MET: variants seen among roughly 807,000 people sequenced by gnomAD.
MET encodes hepatocyte growth factor receptor.
MET carries 48 observed loss-of-function variants against 133.1 expected under a neutral mutation model. The ratio of observed to expected loss-of-function variants is 0.36; its 90% CI spans 0.29 to 0.46. The LOEUF (loss-of-function observed/expected upper bound fraction) is 0.46. Among genes scored for constraint, MET ranks in the 20% least tolerant of loss-of-function variants. The probability of loss-of-function intolerance (pLI) is 1.00; values close to 1 mark genes in which losing one functional copy is unlikely to be tolerated. For missense variants in MET, 1,442 were observed against 1,695.9 expected (o/e 0.85, Z 2.63); for synonymous variants, 628 against 616.5 (o/e 1.02, Z -0.28).
At chr7:116,780,255 CTCAAGCTCCGTCTCGGT>C (rs1228968710) in intron 17 of MET, among the ~76,000 whole-genome samples, 41 of 152,096 alleles carry the variant, frequency 2.7e-4, no homozygotes, top group African/African-American at 9.9e-4. Context: ...CATAGAAGGC[CTCAAGCTCCGTCTCGGT>C]TCCTGCTCTC....
intron 1 of MET, among the ~76,000 whole-genome samples, chr7:116,690,799 G>C (rs1431833042): frequency 6.6e-6 from 1 of 152,200 alleles, no homozygotes; most frequent in Non-Finnish European, 1.5e-5. Context: ...TTTGAGGGAA[G>C]AAACTCTTAG....
Position 116,783,410 on chromosome 7 carries a change from G to A in MET, c.3739G>A (p.Val1247Met), listed in dbSNP as rs1562935903. 1 of 1,614,180 alleles carries A rather than the reference G, an allele frequency of 6.2e-7. No individual in the cohort carries two copies. Among genetic ancestry groups the A allele is most frequent in the Non-Finnish European group, 8.5e-7 (1 of 1,180,022 alleles). ...CAACAAAACAGGTGCAAAGCTGCCA[G>A]TGAAGTGGATGGCTTTGGAAAGTCT... ...VHNKTGAKLP[V>M]KWMALESLQT... Residue 1247 changes from valine to methionine, a missense_variant, in exon 19 of 21, where the codon GTG (valine) becomes ATG (methionine). This residue lies in a region of MET where 32 missense variants were observed against 72.4 expected (regional missense o/e 0.44). Transcript: ENST00000397752.
intron 19 of MET, among the ~76,000 whole-genome samples, chr7:116,793,497 T>A (rs939204138): frequency 6.6e-5 from 10 of 151,712 alleles, no homozygotes; most frequent in African/African-American, 2.4e-4. Context: ...CTTTCAACAT[T>A]TAAAAACCTC....
At chr7:116,748,800 A>T (rs1324233317) in intron 5 of MET, among the ~76,000 whole-genome samples, 1 of 152,208 alleles carries the variant, frequency 6.6e-6, no homozygotes, top group Non-Finnish European at 1.5e-5. Flanking sequence ...CAGAAATACA[A>T]ACTACCATCA....
rs572293126 is a variant in MET, at chr7:116,710,373, C to T, written c.1200+10089C>T. ...TATTGACATGTACAAAGAGGACCCG[C>T]TTTATATGTGCCTGCTTTGAAAAGT... On this transcript the variant is annotated intron_variant, in intron 2 of 20. Coordinates refer to ENST00000397752, the MANE Select transcript of MET (RefSeq NM_000245.4). 3.3e-5 allele frequency among the ~76,000 whole-genome samples: 5 copies of T among 152,270 alleles called. No homozygotes were observed. The South Asian group carries it at 6.2e-4, about 19-fold the overall frequency.
intron 1 of MET, among the ~76,000 whole-genome samples, chr7:116,691,399 G>A (rs371723640): frequency 3.9e-5 from 6 of 152,204 alleles, no homozygotes; most frequent in South Asian, 2.1e-4. Flanking sequence ...AATATTTTAC[G>A]TAAAGTTGGT....
At chr7:116,773,369 T>C (rs1562930925) in intron 14 of MET, among the ~76,000 whole-genome samples, 1 of 152,208 alleles carries the variant, frequency 6.6e-6, no homozygotes, top group Non-Finnish European at 1.5e-5. Context: ...GGTGGCACAC[T>C]GATGGTTTCA....
chr7:116,776,282 T>C (rs1196674795), intron 15 of MET, among the ~76,000 whole-genome samples: 1 of 152,174 alleles, frequency 6.6e-6, no homozygotes, highest in Non-Finnish European at 1.5e-5. Context: ...GCGTAATCCT[T>C]TGTGTGCTCC....
At chr7:116,748,754 T>G (rs963119814) in intron 5 of MET, among the ~76,000 whole-genome samples, 7 of 152,030 alleles carry the variant, frequency 4.6e-5, no homozygotes, top group African/African-American at 1.7e-4. Context: ...ATAGACACAG[T>G]ACAAAATGAT....
chr7:116,684,303 C>A (rs1796466568), intron 1 of MET, among the ~76,000 whole-genome samples: 1 of 152,090 alleles, frequency 6.6e-6, no homozygotes. Context: ...AAACTTTGTT[C>A]AGGAACATTC....
At chr7:116,770,578 T>C (rs1372559700) in intron 12 of MET, among the ~76,000 whole-genome samples, 2 of 152,170 alleles carry the variant, frequency 1.3e-5, no homozygotes, top group East Asian at 1.9e-4. Flanking sequence ...CAGCTCCACA[T>C]ACCCTTCTCT....
In MET at chr7:116,797,652, T is replaced by C. The variant is rs1199615955; in HGVS notation, c.*1528T>C. The C allele has an allele frequency of 1.8e-5, 4 of 225,562 alleles. No homozygotes were observed. In the East Asian group the frequency reaches 1.9e-4, roughly 11 times the overall value. The allele number at this position is 225,562 out of a possible 1,614,324, so 14.0% of individuals were successfully genotyped here. A position where few individuals can be genotyped will look rare whatever the true frequency, so the allele number is the denominator to read the frequency against. Reference sequence around the variant, plus strand: ...TTATAAAAATGTTTATTTTTAATGATATGAGAAAAATTTTGTTAGGCCACA... The same window carrying C: ...TTATAAAAATGTTTATTTTTAATGACATGAGAAAAATTTTGTTAGGCCACA... On this transcript the variant is annotated 3_prime_UTR_variant, in exon 21 of 21. Coordinates refer to ENST00000397752, the MANE Select transcript of MET (RefSeq NM_000245.4).
At chr7:116,767,503 A>G (rs934361821) in intron 11 of MET, among the ~76,000 whole-genome samples, 1 of 152,166 alleles carries the variant, frequency 6.6e-6, no homozygotes, top group African/African-American at 2.4e-5. Context: ...TTCATGATCT[A>G]GCCCCTTTCT....
At chr7:116,676,858 C>T (rs1445515686) in intron 1 of MET, among the ~76,000 whole-genome samples, 1 of 152,126 alleles carries the variant, frequency 6.6e-6, no homozygotes, top group African/African-American at 2.4e-5. Context: ...AATAGTGCCC[C>T]TGTTTTTGTA....
chr7:116,715,562 TCCA>T (rs386717097), intron 2 of MET, among the ~76,000 whole-genome samples: 3,701 of 152,310 alleles, frequency 0.024, 108 homozygotes, highest in African/African-American at 0.061. Context: ...GATCTGACTT[TCCA>T]GGTGGACATG....
chr7:116,732,282 G>A (rs1793043724), intron 3 of MET, among the ~76,000 whole-genome samples: 1 of 152,136 alleles, frequency 6.6e-6, no homozygotes, highest in Non-Finnish European at 1.5e-5. Flanking sequence ...AATATTGGCA[G>A]GAGTTAGGAA....
At position 116,796,879 on chromosome 7, in the gene MET, A is replaced by G. The variant is rs1795696498; in HGVS notation, c.*755A>G. The G allele has an allele frequency of 5.7e-6, 1 of 176,824 alleles. No homozygotes were observed. The highest frequency in any genetic ancestry group is 2.4e-5 in the African/African-American group (1 of 42,220). 11.0% of individuals were successfully genotyped at this position (176,824 alleles called of 1,614,324 possible). A position where few individuals can be genotyped will look rare whatever the true frequency, so the allele number is the denominator to read the frequency against. On this transcript the variant is annotated 3_prime_UTR_variant, in exon 21 of 21. Transcript: ENST00000397752. ...AGAAATCCACCCACCTCAGCCTCCC[A>G]AAGTGCTAGGATTACAGGCATGAGC... is the stretch of plus-strand genomic sequence containing the variant.
At chr7:116,689,457 T>C (rs1295738778) in intron 1 of MET, among the ~76,000 whole-genome samples, 2 of 152,062 alleles carry the variant, frequency 1.3e-5, no homozygotes, top group Non-Finnish European at 2.9e-5. Context: ...TCCTGGGACA[T>C]GCTTATACTA....
rs117350321 is a variant in MET at position 116,789,993 on chromosome 7, C to A, written c.3799-5662C>A. Among the ~76,000 whole-genome samples, 62 of 152,218 alleles carry A rather than the reference C, an allele frequency of 4.1e-4. 1 individual carries two copies. In the East Asian group the frequency reaches 0.011, roughly 28 times the overall value. On this transcript the variant is annotated intron_variant, in intron 19 of 20. Coordinates refer to ENST00000397752, the MANE Select transcript of MET (RefSeq NM_000245.4). ...TCGATAGGCCCCAGTGTGTGTTGTT[C>A]CCTTCCCTGTGTTCATGTGCTCTCA...
Sources: gnomAD v4.1 joint callset for allele counts (sites outside exome capture counted in the v4.1 genomes callset) on GRCh38, gnomAD v4.1.1 for gene constraint, gnomAD v4.1.1 regional missense constraint, MANE v1.5 for transcripts, NCBI Gene and HGNC (gene_info 2026-07-23, HGNC 2026-07-21) for gene names.